The following MTUS2 variants were observed in gnomAD, a reference collection of about 807,000 sequenced individuals.
MTUS2 encodes microtubule associated scaffold protein 2.
A neutral mutation model predicts 114.1 loss-of-function variants in MTUS2; 40 were observed. The observed-to-expected ratio is 0.35, with a 90% CI of 0.27 to 0.46. MTUS2 has a LOEUF of 0.46. Among genes scored for constraint, MTUS2 ranks in the 20% least tolerant of loss-of-function variants. The pLI is 1.00. For synonymous variants in MTUS2, 688 were observed against 672.0 expected (o/e 1.02, Z -0.37); for missense variants, 1,679 against 1,705.4 (o/e 0.98, Z 0.27).
intron 8 of MTUS2, among the ~76,000 whole-genome samples, chr13:29,421,591 C>T (rs1876112886): frequency 6.6e-6 from 1 of 152,180 alleles, no homozygotes; most frequent in African/African-American, 2.4e-5. Flanking sequence ...TTCATAGAGA[C>T]CTATCTTCAA....
At chr13:29,117,318 C>T (rs1269487592) in intron 5 of MTUS2, among the ~76,000 whole-genome samples, 2 of 152,186 alleles carry the variant, frequency 1.3e-5, no homozygotes, top group Non-Finnish European at 2.9e-5. Flanking sequence ...ATGCCCTGCC[C>T]TGGCCTGACC....
At chr13:28,904,272 C>G (rs1336252425) in intron 2 of MTUS2, among the ~76,000 whole-genome samples, 11 of 152,188 alleles carry the variant, frequency 7.2e-5, no homozygotes, top group Admixed American at 2.6e-4. Flanking sequence ...TAATTAGATT[C>G]CATTTGTCAA....
Position 29,199,288 on chromosome 13 carries a change from C to T in MTUS2, c.2645-82416C>T, listed in dbSNP as rs572662620. Among the ~76,000 whole-genome samples the T allele has an allele frequency of 2.6e-5, 4 of 152,276 alleles. No homozygotes were observed. In the East Asian group the frequency reaches 7.7e-4, roughly 29 times the overall value. ...GTGCTGGTTTTCAAAGGAAATGCTT[C>T]CAGCTTTTGCCCATTCAGTGTGATA... On this transcript the variant is annotated intron_variant, in intron 5 of 15. Coordinates refer to ENST00000612955, the MANE Select transcript of MTUS2 (RefSeq NM_001033602.4).
chr13:28,959,262 C>G (rs1228874698), intron 2 of MTUS2, among the ~76,000 whole-genome samples: 3 of 152,228 alleles, frequency 2.0e-5, no homozygotes, highest in African/African-American at 7.2e-5. Context: ...GCCGCCACTT[C>G]CACCTGTGCC....
chr13:29,363,580 G>T (rs1870449662), intron 8 of MTUS2, among the ~76,000 whole-genome samples: 2 of 152,088 alleles, frequency 1.3e-5, no homozygotes, highest in Non-Finnish European at 2.9e-5. Flanking sequence ...ATAGTGGAAA[G>T]AATAAAACCC....
chr13:29,247,395 A>G (rs1896964883), intron 5 of MTUS2, among the ~76,000 whole-genome samples: 1 of 152,210 alleles, frequency 6.6e-6, no homozygotes, highest in South Asian at 2.1e-4. Context: ...GCAACAAAAG[A>G]AAGATAAATA....
chr13:29,347,418 G>T (rs1000207290), intron 7 of MTUS2, among the ~76,000 whole-genome samples: 1 of 66,308 alleles, frequency 1.5e-5, no homozygotes, highest in Non-Finnish European at 4.0e-5. Context: ...TTGGTCCATG[G>T]TTATTTGGAA....
chr13:28,890,727 A>G (rs1281148860), intron 2 of MTUS2, among the ~76,000 whole-genome samples: 1 of 152,166 alleles, frequency 6.6e-6, no homozygotes, highest in African/African-American at 2.4e-5. Context: ...ATTAGATTAC[A>G]TTTTATTAAT....
At chr13:29,344,137 A>C (rs1338024295) in intron 7 of MTUS2, among the ~76,000 whole-genome samples, 1 of 152,094 alleles carries the variant, frequency 6.6e-6, no homozygotes, top group Non-Finnish European at 1.5e-5. Context: ...TGTTGGGTAG[A>C]ATGTTCTGTA....
At chr13:29,467,263 C>G (rs1879955289) in intron 9 of MTUS2, among the ~76,000 whole-genome samples, 1 of 152,144 alleles carries the variant, frequency 6.6e-6, no homozygotes, top group Admixed American at 6.5e-5. Flanking sequence ...TTTTTAAAAG[C>G]TCTTTCTAAA....
chr13:29,097,134 A>G (rs1417486418), intron 4 of MTUS2, among the ~76,000 whole-genome samples: 1 of 112,546 alleles, frequency 8.9e-6, no homozygotes, highest in Non-Finnish European at 2.0e-5. Flanking sequence ...GGCCACACAC[A>G]TCCAGAGTAG....
intron 7 of MTUS2, chr13:29,339,751 G>A (rs1172564807): frequency 3.0e-5 from 5 of 168,620 alleles, no homozygotes; most frequent in Admixed American, 6.4e-5. Context: ...TGGGAGGAGC[G>A]GTGAGGAGGG....
intron 8 of MTUS2, among the ~76,000 whole-genome samples, chr13:29,404,193 GTA>G (rs1205898140): frequency 3.1e-5 from 3 of 97,686 alleles, no homozygotes; most frequent in Non-Finnish European, 6.4e-5. Flanking sequence ...AAAAAAAAAA[GTA>G]CAAAAATTAG....
chr13:29,232,296 ACG>A (rs60135574), intron 5 of MTUS2, among the ~76,000 whole-genome samples: 15 of 148,662 alleles, frequency 1.0e-4, no homozygotes, highest in Non-Finnish European at 1.8e-4. Flanking sequence ...ACACACACAC[ACG>A]CGCGCGCGCA....
chr13:29,058,085 A>G (rs1051304850), intron 4 of MTUS2, among the ~76,000 whole-genome samples: 2 of 151,540 alleles, frequency 1.3e-5, no homozygotes, highest in Admixed American at 6.6e-5. Flanking sequence ...GTTGGAATTT[A>G]TTTTCTTTAA....
chr13:29,427,733 C>T (rs1876656493), intron 8 of MTUS2, among the ~76,000 whole-genome samples: 1 of 152,130 alleles, frequency 6.6e-6, no homozygotes, highest in South Asian at 2.1e-4. Flanking sequence ...GTTCTAACAA[C>T]TATTGTCTGT....
intron 7 of MTUS2, among the ~76,000 whole-genome samples, chr13:29,330,501 GT>G (rs1566134843): frequency 6.6e-6 from 1 of 151,972 alleles, no homozygotes; most frequent in Admixed American, 6.6e-5. Context: ...TAGTCGTGAA[GT>G]TTGCCTGTGT....
chr13:28,913,764 T>C (rs1230436464), intron 2 of MTUS2, among the ~76,000 whole-genome samples: 1 of 152,050 alleles, frequency 6.6e-6, no homozygotes, highest in Non-Finnish European at 1.5e-5. Context: ...TTTTGGTTGG[T>C]AGGCTATTTA....
At chr13:29,305,250 C>A (rs1180803526) in intron 6 of MTUS2, among the ~76,000 whole-genome samples, 1 of 151,750 alleles carries the variant, frequency 6.6e-6, no homozygotes, top group African/African-American at 2.4e-5. Flanking sequence ...AGCAAATAGA[C>A]CCCAAAGCTA....
Sources: allele counts gnomAD v4.1 joint callset (sites outside exome capture counted in the v4.1 genomes callset), GRCh38; gene constraint gnomAD v4.1.1; transcripts MANE v1.5; gene names NCBI Gene and HGNC (gene_info 2026-07-23, HGNC 2026-07-21).